The following DEUP1 variants were observed in gnomAD, a reference collection of about 807,000 sequenced individuals.
DEUP1 encodes deuterosome assembly protein 1, also known as coiled-coil domain containing 67.
Under a neutral mutation model 87.4 loss-of-function variants are expected in DEUP1, and 82 were observed. The observed-to-expected ratio is 0.94, with a 90% confidence interval of 0.78 to 1.13. The LOEUF is 1.13. DEUP1 is among the 50% of genes most tolerant of loss of function. The pLI is 0.00. For missense variants in DEUP1, 663 were observed against 681.5 expected (o/e 0.97, Z 0.30); for synonymous variants, 214 against 222.7 (o/e 0.96, Z 0.35).
intron 2 of DEUP1, among the ~76,000 whole-genome samples, chr11:93,353,004 C>G (rs1466412269): frequency 1.3e-5 from 2 of 152,064 alleles, no homozygotes; most frequent in African/African-American, 4.8e-5. Context: ...CCAACAGTCC[C>G]CCAAAGTTTT....
chr11:93,401,631 T>C (rs879440357), intron 11 of DEUP1, among the ~76,000 whole-genome samples: 9 of 151,614 alleles, frequency 5.9e-5, no homozygotes, highest in Non-Finnish European at 1.3e-4. Flanking sequence ...AGAACCCAGA[T>C]ATAAACCAAT....
At chr11:93,335,335 T>C (rs1943701240) in intron 2 of DEUP1, among the ~76,000 whole-genome samples, 1 of 152,238 alleles carries the variant, frequency 6.6e-6, no homozygotes, top group Non-Finnish European at 1.5e-5. Flanking sequence ...ATTAATGTCC[T>C]TTGGGTATTT....
Position 93,370,176 on chromosome 11 carries a change from A to G in DEUP1, c.536A>G (p.Asn179Ser). 6.5e-7 allele frequency: 1 copy of G among 1,540,758 alleles called. No individual in the cohort carries two copies. The highest frequency in any genetic ancestry group is 8.9e-7 in the Non-Finnish European group (1 of 1,118,714). ...AQQKLLSEKC[N>S]QFQKQAQSYQ... is the part of the protein sequence containing the mutation. ...CAAAAATTATTATCTGAGAAGTGTA[A>G]TCAGTTTCAGGTAAGTTATCTAATA... The change falls in exon 6 of 14, where the codon AAT (asparagine) becomes AGT (serine). Residue 179 changes from asparagine (N) to serine (S), a missense_variant. Physicochemically the swap from Asn to Ser is conservative, Grantham distance 46 (BLOSUM62 1). Transcript: ENST00000298050.
intron 2 of DEUP1, among the ~76,000 whole-genome samples, chr11:93,337,319 C>T (rs1172414675): frequency 6.6e-6 from 1 of 152,056 alleles, no homozygotes; most frequent in African/African-American, 2.4e-5. Flanking sequence ...CTTTACTTAC[C>T]AGGTTCTTGA....
At chr11:93,341,176 G>A (rs1944052486) in intron 2 of DEUP1, among the ~76,000 whole-genome samples, 1 of 152,070 alleles carries the variant, frequency 6.6e-6, no homozygotes, top group South Asian at 2.1e-4. Context: ...CCAATGCTTT[G>A]GAAGGCCAAG....
chr11:93,428,259 G>A (rs1359893387), intron 13 of DEUP1, among the ~76,000 whole-genome samples: 2 of 152,058 alleles, frequency 1.3e-5, no homozygotes, highest in East Asian at 3.9e-4. Context: ...GGAATACTAT[G>A]CAGCCATAAA....
Position 93,427,865 on chromosome 11 carries a change from A to G in DEUP1, c.1639-9678A>G. Among the ~76,000 whole-genome samples the G allele has an allele frequency of 3.3e-5, 2 of 61,130 alleles. 1 individual carries two copies. Among genetic ancestry groups the G allele is most frequent in the South Asian group, 1.3e-3 (2 of 1,540 alleles). 40.1% of individuals were successfully genotyped at this position (61,130 alleles called of 152,430 possible). A position where few individuals can be genotyped will look rare whatever the true frequency, so the allele number is the denominator to read the frequency against. On this transcript the variant is annotated intron_variant, in intron 13 of 13. Transcript: ENST00000298050. ...GAAGACATTTATGCAGCCAAAAAAC[A>G]CATGAAAAAATGCTCATCATCACTG... is the stretch of plus-strand genomic sequence containing the variant.
At chr11:93,355,606 G>T in intron 3 of DEUP1, 64 bp downstream of exon 3, 1 of 1,389,668 alleles carries the variant, frequency 7.2e-7, no homozygotes, top group East Asian at 2.5e-5. Context: ...TATTCTATCA[G>T]AATATGTTTT....
chr11:93,379,243 C>T (rs929545337), intron 7 of DEUP1, among the ~76,000 whole-genome samples: 1 of 152,046 alleles, frequency 6.6e-6, no homozygotes, highest in South Asian at 2.1e-4. Flanking sequence ...TACTTTTACA[C>T]CTGTATTCTT....
Position 93,389,003 on chromosome 11 carries a change from T to G in DEUP1, c.936-17T>G. ...GTTAAGCTTAATTTTAATCATTATT[T>G]TATGTTTAATTTGTAGACTTGAATC... On this transcript the variant is annotated splice_polypyrimidine_tract_variant and intron_variant, in intron 8 of 13. Transcript: ENST00000298050. 1 of 1,295,746 alleles carries G rather than the reference T, an allele frequency of 7.7e-7. No homozygotes were observed. The highest frequency in any genetic ancestry group is 1.1e-6 in the Non-Finnish European group (1 of 916,674). 80.3% of individuals were successfully genotyped at this position (1,295,746 alleles called of 1,614,324 possible).
chr11:93,410,528 TTGCC>T (rs1287000385), intron 12 of DEUP1, among the ~76,000 whole-genome samples: 1 of 152,208 alleles, frequency 6.6e-6, no homozygotes, highest in African/African-American at 2.4e-5. Flanking sequence ...CTGTATATAG[TTGCC>T]TCATTGCGAG....
At chr11:93,396,540 A>C (rs1042582991) in intron 11 of DEUP1, among the ~76,000 whole-genome samples, 1 of 152,126 alleles carries the variant, frequency 6.6e-6, no homozygotes, top group Non-Finnish European at 1.5e-5. Context: ...GATTGGGCTC[A>C]ATTCTGATCA....
chr11:93,383,204 G>A (rs1383227367), intron 7 of DEUP1, among the ~76,000 whole-genome samples: 1 of 152,128 alleles, frequency 6.6e-6, no homozygotes, highest in Non-Finnish European at 1.5e-5. Flanking sequence ...TCAAAAAGTA[G>A]AAACAACCCA....
At chr11:93,408,474 T>G (rs779048990) in intron 12 of DEUP1, 47 bp downstream of exon 12, 100 of 1,172,894 alleles carry the variant, frequency 8.5e-5, no homozygotes, top group Non-Finnish European at 1.1e-4. Context: ...AAACATGTAA[T>G]TAAAATTTAT....
At chr11:93,436,651 A>G (rs1948256670) in intron 13 of DEUP1, among the ~76,000 whole-genome samples, 1 of 152,180 alleles carries the variant, frequency 6.6e-6, no homozygotes, top group Non-Finnish European at 1.5e-5. Context: ...AGATTGGTGA[A>G]CAAAATCCAC....
chr11:93,362,700 A>T (rs1211617726), intron 4 of DEUP1, among the ~76,000 whole-genome samples: 1 of 151,806 alleles, frequency 6.6e-6, no homozygotes, highest in Non-Finnish European at 1.5e-5. Context: ...TCCTAGGTAT[A>T]TACCCAAGAG....
chr11:93,402,330 A>T (rs1947144388), intron 11 of DEUP1, among the ~76,000 whole-genome samples: 2 of 151,968 alleles, frequency 1.3e-5, no homozygotes, highest in African/African-American at 4.8e-5. Context: ...AGTTAAAATG[A>T]CTTTTATTTA....
At chr11:93,410,422 T>A (rs1947402087) in intron 12 of DEUP1, among the ~76,000 whole-genome samples, 2 of 152,124 alleles carry the variant, frequency 1.3e-5, no homozygotes, top group East Asian at 3.9e-4. Flanking sequence ...TAATCCTGAT[T>A]TTGGTGTAAG....
chr11:93,373,652 C>A (rs7949420), intron 7 of DEUP1, among the ~76,000 whole-genome samples: 1 of 93,608 alleles, frequency 1.1e-5, no homozygotes, highest in Non-Finnish European at 2.2e-5. Flanking sequence ...TATATATATA[C>A]GTATATATAT....
Sources: allele counts gnomAD v4.1 joint callset (sites outside exome capture counted in the v4.1 genomes callset), GRCh38; gene constraint gnomAD v4.1.1; transcripts MANE v1.5; gene names NCBI Gene and HGNC (gene_info 2026-07-23, HGNC 2026-07-21).